PPP1R9A: variants seen among roughly 807,000 people sequenced by gnomAD.
PPP1R9A encodes the protein protein phosphatase 1 regulatory subunit 9A.
PPP1R9A carries 59 observed loss-of-function variants against 141.9 expected under a neutral mutation model. The ratio of observed to expected loss-of-function variants is 0.42; its 90% CI spans 0.34 to 0.52. The LOEUF is 0.52. Ranked by LOEUF, PPP1R9A falls within the 20% of genes least tolerant of loss-of-function variation. The probability of loss-of-function intolerance (pLI) is 0.10; values close to 1 mark genes in which losing one functional copy is unlikely to be tolerated. For missense variants in PPP1R9A, 1,444 were observed against 1,611.9 expected (o/e 0.90, Z 1.78); for synonymous variants, 500 against 569.7 (o/e 0.88, Z 1.74).
At chr7:94,968,937 A>G (rs548949506) in intron 2 of PPP1R9A, among the ~76,000 whole-genome samples, 33 of 151,846 alleles carry the variant, frequency 2.2e-4, no homozygotes, top group Middle Eastern at 3.4e-3. Flanking sequence ...CGATTCGGCT[A>G]TTGATACTTG....
At chr7:95,181,417 T>G (rs1203470532) in intron 5 of PPP1R9A, among the ~76,000 whole-genome samples, 10 of 129,752 alleles carry the variant, frequency 7.7e-5, no homozygotes, top group Non-Finnish European at 1.3e-4. Context: ...ATCATATATA[T>G]AGAATATAGA....
chr7:94,949,292 C>A (rs976760091), intron 2 of PPP1R9A, among the ~76,000 whole-genome samples: 4 of 152,104 alleles, frequency 2.6e-5, no homozygotes, highest in Non-Finnish European at 5.9e-5. Flanking sequence ...GGTTTCTACA[C>A]TCACAGATTT....
chr7:95,293,426 C>G lies in PPP1R9A; in HGVS notation c.*3123C>G, dbSNP rs766188777. 6.6e-6 allele frequency: 1 copy of G among 152,134 alleles called. No individual in the cohort carries two copies. Among genetic ancestry groups the G allele is most frequent in the Non-Finnish European group, 1.5e-5 (1 of 68,046 alleles). The allele number at this position is 152,134 out of a possible 1,614,324, so 9.4% of individuals were successfully genotyped here. A position where few individuals can be genotyped will look rare whatever the true frequency, so the allele number is the denominator to read the frequency against. On this transcript the variant is annotated 3_prime_UTR_variant, in exon 20 of 20. Transcript: ENST00000433360. ...ATAAAGCTGTTCTGTGGCTATCATCCTTTAGCTGGGATTGACAATTGATTT... is the reference window on the plus strand; with the variant it reads ...ATAAAGCTGTTCTGTGGCTATCATCGTTTAGCTGGGATTGACAATTGATTT...
chr7:95,213,461 C>G (rs1393032009), intron 7 of PPP1R9A, among the ~76,000 whole-genome samples: 1 of 151,754 alleles, frequency 6.6e-6, no homozygotes, highest in Non-Finnish European at 1.5e-5. Flanking sequence ...GCTGGGATTA[C>G]AGGCCAGTGC....
At chr7:95,127,297 A>G (rs1823727442) in intron 4 of PPP1R9A, among the ~76,000 whole-genome samples, 1 of 152,146 alleles carries the variant, frequency 6.6e-6, no homozygotes, top group Non-Finnish European at 1.5e-5. Context: ...AATAGCATGA[A>G]GCTTTCTTTG....
intron 5 of PPP1R9A, among the ~76,000 whole-genome samples, chr7:95,180,502 G>C (rs956033829): frequency 2.0e-5 from 3 of 152,074 alleles, no homozygotes; most frequent in African/African-American, 7.2e-5. Flanking sequence ...AAAAGCAAAT[G>C]CAATAAAAAC....
intron 2 of PPP1R9A, among the ~76,000 whole-genome samples, chr7:95,088,508 A>T (rs764067111): frequency 1.2e-4 from 19 of 152,032 alleles, no homozygotes; most frequent in Non-Finnish European, 1.9e-4. Flanking sequence ...CACACCCGTG[A>T]TTGCAAATGC....
rs141144489 is a variant in PPP1R9A, at chr7:95,189,236, G to T, written c.1755-9113G>T. On this transcript the variant is annotated intron_variant, in intron 5 of 19. Transcript: ENST00000433360. ...CTTGCTTTTGCCTCGCAGCTCTTAA[G>T]ATTCTTTCCTTAGATAACCTGATGG... 2.8e-3 allele frequency among the ~76,000 whole-genome samples: 424 copies of T among 152,104 alleles called. 2 individuals carry two copies. Among genetic ancestry groups the T allele is most frequent in the African/African-American group, 8.7e-3 (363 of 41,510 alleles).
chr7:95,203,759 A>G, intron 7 of PPP1R9A, 29 bp downstream of exon 7: 1 of 1,443,410 alleles, frequency 6.9e-7, no homozygotes, highest in African/African-American at 1.4e-5. Context: ...AGTAATGCTT[A>G]CCTGTACTTT....
chr7:95,230,341 T>C (rs1041627729), intron 8 of PPP1R9A, among the ~76,000 whole-genome samples: 3 of 152,128 alleles, frequency 2.0e-5, no homozygotes, highest in African/African-American at 7.2e-5. Context: ...AAAAATATTT[T>C]AGAAGGTCAA....
At chr7:94,925,845 G>A (rs1266129129) in intron 2 of PPP1R9A, among the ~76,000 whole-genome samples, 1 of 151,586 alleles carries the variant, frequency 6.6e-6, no homozygotes, top group Non-Finnish European at 1.5e-5. Context: ...ATTATATTTC[G>A]AGACAAGGTC....
In PPP1R9A at chr7:95,284,211, T is replaced by C. The variant is rs749637090; in HGVS notation, c.3490T>C (p.Ser1164Pro). 7 of 1,572,854 alleles carry C rather than the reference T, an allele frequency of 4.5e-6. No homozygotes were observed. The Middle Eastern group carries it at 1.2e-3, about 261-fold the overall frequency. The change falls in exon 17 of 20, where the codon TCC becomes CCC. Residue 1164 changes from serine to proline, a missense_variant. Around this residue, in one of 5 missense-constraint regions of PPP1R9A, gnomAD observed 459 missense variants for 513.8 expected, o/e 0.89. Transcript: ENST00000433360. Reference sequence around the variant, plus strand: ...GACTCTAATTTCAGATAAAAAGGGGTCCAAGGTAGAAAACACATGGATTAC... The same window carrying C: ...GACTCTAATTTCAGATAAAAAGGGGCCCAAGGTAGAAAACACATGGATTAC... Reference protein sequence around the residue: ...PETLISDKKGSKVENTWITKA... With the variant: ...PETLISDKKGPKVENTWITKA...
chr7:95,046,772 TC>T (rs1341170899), intron 2 of PPP1R9A, among the ~76,000 whole-genome samples: 1 of 152,236 alleles, frequency 6.6e-6, no homozygotes, highest in Non-Finnish European at 1.5e-5. Flanking sequence ...CAATGCGTTA[TC>T]TTTGATTAAA....
chr7:95,284,210 G>A lies in PPP1R9A; in HGVS notation c.3489G>A (p.Gly1163=), dbSNP rs1439066892. The change falls in exon 17 of 20, where the codon GGG becomes GGA. Residue 1163 remains glycine, a synonymous_variant. Transcript: ENST00000433360. The part of the protein sequence containing the change: ...SPETLISDKK[G]SKVENTWITK... The stretch of plus-strand genomic sequence containing the variant: ...AGACTCTAATTTCAGATAAAAAGGG[G>A]TCCAAGGTAGAAAACACATGGATTA... The A allele has an allele frequency of 1.3e-6, 2 of 1,572,426 alleles. No homozygotes were observed. Among genetic ancestry groups the A allele is most frequent in the Non-Finnish European group, 1.7e-6 (2 of 1,155,222 alleles).
intron 2 of PPP1R9A, among the ~76,000 whole-genome samples, chr7:94,976,960 G>A (rs1799521744): frequency 6.6e-6 from 1 of 152,042 alleles, no homozygotes; most frequent in Non-Finnish European, 1.5e-5. Flanking sequence ...TGTGTGTTGC[G>A]ATATATTGGG....
intron 16 of PPP1R9A, among the ~76,000 whole-genome samples, chr7:95,279,064 C>A (rs1585610042): frequency 6.6e-6 from 1 of 152,086 alleles, no homozygotes; most frequent in Non-Finnish European, 1.5e-5. Context: ...GGGAAGGATA[C>A]AAAATGACAT....
chr7:94,998,944 C>G (rs1483354573), intron 2 of PPP1R9A, among the ~76,000 whole-genome samples: 1 of 152,118 alleles, frequency 6.6e-6, no homozygotes, highest in Admixed American at 6.5e-5. Flanking sequence ...TTGGTAGAGA[C>G]AGGGTCTCAC....
In PPP1R9A at chr7:95,020,935, A is replaced by T. The variant is rs1391445011; in HGVS notation, c.1396-90324A>T. ...TTGTGAACAGTGCTGCAGTAAACAT[A>T]CGTGTGCATGTGTCTTTACAGTAGA... is the stretch of plus-strand genomic sequence containing the variant. On this transcript the variant is annotated intron_variant, in intron 2 of 19. Coordinates refer to ENST00000433360, the MANE Select transcript of PPP1R9A (RefSeq NM_001166160.2). Among the ~76,000 whole-genome samples the T allele has an allele frequency of 2.6e-5, 4 of 152,180 alleles. No individual in the cohort carries two copies. The East Asian group carries it at 7.7e-4, about 29-fold the overall frequency.
At chr7:95,023,542 T>G (rs1208277431) in intron 2 of PPP1R9A, among the ~76,000 whole-genome samples, 1 of 152,058 alleles carries the variant, frequency 6.6e-6, no homozygotes, top group Admixed American at 6.6e-5. Flanking sequence ...ATTTGCCCGT[T>G]GCTTTTCTAG....
Sources: gnomAD v4.1 joint callset for allele counts (sites outside exome capture counted in the v4.1 genomes callset) on GRCh38, gnomAD v4.1.1 for gene constraint, gnomAD v4.1.1 regional missense constraint, MANE v1.5 for transcripts, NCBI Gene and HGNC (gene_info 2026-07-23, HGNC 2026-07-21) for gene names.